TWSG1: variants seen among roughly 807,000 people sequenced by gnomAD.
TWSG1 encodes the protein twisted gastrulation protein homolog 1.
A neutral mutation model predicts 23.0 loss-of-function variants in TWSG1; 15 were observed. The ratio of observed to expected loss-of-function variants is 0.65; its 90% CI spans 0.44 to 1.00. The LOEUF (loss-of-function observed/expected upper bound fraction) is 1.00, where lower values mean the gene tolerates loss of function less well. TWSG1 is among the 50% of genes least tolerant of loss of function. The pLI, the probability that TWSG1 is intolerant of heterozygous loss-of-function variation, is 0.00. For missense variants in TWSG1, 242 were observed against 278.7 expected (o/e 0.87, Z 0.94); for synonymous variants, 86 against 92.8 (o/e 0.93, Z 0.42).
At chr18:9,349,158 G>C (rs576473184) in intron 2 of TWSG1, among the ~76,000 whole-genome samples, 9 of 152,132 alleles carry the variant, frequency 5.9e-5, no homozygotes, top group African/African-American at 2.2e-4. Context: ...AAAAAAATTT[G>C]GTAATATGGG....
Position 9,396,353 on chromosome 18 carries a change from G to T in TWSG1, c.297G>T (p.Pro99=). The change falls in exon 4 of 5, where the codon CCG becomes CCT. Residue 99 remains proline, a synonymous_variant. Coordinates refer to ENST00000262120, the MANE Select transcript of TWSG1 (RefSeq NM_020648.6). ...SKSTVEELHE[P]IPSLFRALTE... ...GCACAGTGGAGGAGCTGCATGAACC[G>T]ATCCCTTCTCTCTTCCGGGCACTCA... The T allele has an allele frequency of 2.5e-6, 4 of 1,614,058 alleles. No individual in the cohort carries two copies. Among genetic ancestry groups the T allele is most frequent in the Non-Finnish European group, 3.4e-6 (4 of 1,180,010 alleles).
intron 3 of TWSG1, among the ~76,000 whole-genome samples, chr18:9,391,971 G>C (rs892457296): frequency 2.6e-4 from 39 of 152,308 alleles, no homozygotes; most frequent in African/African-American, 8.9e-4. Flanking sequence ...AGTAAACCAT[G>C]CTATAAACAA....
At chr18:9,346,827 C>T (rs2040479409) in intron 2 of TWSG1, among the ~76,000 whole-genome samples, 1 of 152,172 alleles carries the variant, frequency 6.6e-6, no homozygotes, top group African/African-American at 2.4e-5. Flanking sequence ...TAAGTTTTCA[C>T]TTCATTTGGC....
In TWSG1 at chr18:9,360,046, T is replaced by G. The variant is rs772903690; in HGVS notation, c.198T>G (p.Leu66=). The G allele has an allele frequency of 6.8e-6, 11 of 1,613,274 alleles. No individual in the cohort carries two copies. The highest frequency in any genetic ancestry group is 1.3e-5 in the African/African-American group (1 of 74,910). The part of the protein sequence containing the change: ...CKECMLCLGA[L]WDECCDCVGM... ...AGTGCATGCTGTGTCTTGGGGCCCT[T>G]TGGGACGAGTGCTGTGACTGTGTTG... Residue 66 remains leucine (L), a synonymous_variant, in exon 3 of 5, where the codon CTT becomes CTG. Transcript: ENST00000262120.
intron 3 of TWSG1, among the ~76,000 whole-genome samples, chr18:9,374,411 A>G (rs1388236419): frequency 1.3e-5 from 2 of 152,232 alleles, no homozygotes; most frequent in Non-Finnish European, 2.9e-5. Flanking sequence ...CTCTTTGCCC[A>G]TGGATTTGAT....
chr18:9,360,197 ATACAGAACATT>A, intron 3 of TWSG1, 126 bp downstream of exon 3: 1 of 623,484 alleles, frequency 1.6e-6, no homozygotes, highest in Non-Finnish European at 2.8e-6. Flanking sequence ...TATAGTAAAC[ATACAGAACATT>A]GTATTTTTAC....
chr18:9,398,684 C>T (rs2040749148), intron 4 of TWSG1, among the ~76,000 whole-genome samples: 1 of 152,110 alleles, frequency 6.6e-6, no homozygotes, highest in South Asian at 2.1e-4. Context: ...GTTGCAAACT[C>T]CTGGCCTCAG....
intron 3 of TWSG1, among the ~76,000 whole-genome samples, chr18:9,372,636 AG>A (rs1330505371): frequency 6.6e-6 from 1 of 151,232 alleles, no homozygotes; most frequent in East Asian, 1.9e-4. Flanking sequence ...GGGAGGAATT[AG>A]GATTATTTTG....
chr18:9,363,929 T>C (rs1277372410), intron 3 of TWSG1, among the ~76,000 whole-genome samples: 2 of 152,088 alleles, frequency 1.3e-5, no homozygotes, highest in Non-Finnish European at 2.9e-5. Context: ...CACCCGGCCA[T>C]TTAACAGTAC....
intron 4 of TWSG1, among the ~76,000 whole-genome samples, chr18:9,398,931 C>T (rs2040750077): frequency 6.6e-6 from 1 of 151,692 alleles, no homozygotes; most frequent in African/African-American, 2.4e-5. Flanking sequence ...TCACTTGAAC[C>T]TGGGAGGCGG....
chr18:9,351,614 C>T (rs2040502177), intron 2 of TWSG1, among the ~76,000 whole-genome samples: 1 of 142,038 alleles, frequency 7.0e-6, no homozygotes, highest in East Asian at 2.1e-4. Context: ...CCCAGTGTAC[C>T]ATGCTGGGTT....
At chr18:9,356,301 A>G (rs2145604301) in intron 2 of TWSG1, among the ~76,000 whole-genome samples, 1 of 152,326 alleles carries the variant, frequency 6.6e-6, no homozygotes, top group East Asian at 1.9e-4. Flanking sequence ...CTTCAGAGCT[A>G]GATAACCTGG....
rs767488961 is a variant in TWSG1, at chr18:9,399,436, G to A, written c.581G>A (p.Arg194His). Residue 194 changes from arginine to histidine, a missense_variant, in exon 5 of 5, where the codon CGC (arginine) becomes CAC (histidine). By Grantham distance (29) the Arg-to-His change is conservative (BLOSUM62 0). Transcript: ENST00000262120. ...SCESMGASKY[R>H]WFHNACCECI... ...GAGTCCATGGGAGCATCCAAATATC[G>A]CTGGTTTCATAATGCCTGCTGCGAG... 4.3e-6 allele frequency: 7 copies of A among 1,613,880 alleles called. No homozygotes were observed. Among genetic ancestry groups the A allele is most frequent in the South Asian group, 2.2e-5 (2 of 91,066 alleles).
intron 3 of TWSG1, among the ~76,000 whole-genome samples, chr18:9,360,600 T>C (rs936363459): frequency 6.6e-6 from 1 of 152,184 alleles, no homozygotes; most frequent in Non-Finnish European, 1.5e-5. Flanking sequence ...ACCTTCCTTA[T>C]TTGACTGAGA....
intron 3 of TWSG1, among the ~76,000 whole-genome samples, chr18:9,392,924 C>T (rs2040719043): frequency 6.6e-6 from 1 of 152,166 alleles, no homozygotes; most frequent in African/African-American, 2.4e-5. Flanking sequence ...GTTGGTGGAG[C>T]AGTCAGAATA....
intron 3 of TWSG1, among the ~76,000 whole-genome samples, chr18:9,364,460 C>A (rs1315061356): frequency 6.6e-6 from 1 of 152,152 alleles, no homozygotes; most frequent in Non-Finnish European, 1.5e-5. Flanking sequence ...GATTTCACCC[C>A]TTCTTGATGA....
At chr18:9,364,340 A>T (rs1306995492) in intron 3 of TWSG1, among the ~76,000 whole-genome samples, 1 of 152,172 alleles carries the variant, frequency 6.6e-6, no homozygotes, top group Non-Finnish European at 1.5e-5. Context: ...ACAAAGGCAA[A>T]CAATATCCAG....
chr18:9,358,579 A>G (rs985166035), intron 2 of TWSG1, among the ~76,000 whole-genome samples: 3 of 152,190 alleles, frequency 2.0e-5, no homozygotes, highest in Admixed American at 2.0e-4. Flanking sequence ...TTGAAGAGAA[A>G]TTATATTTGG....
At chr18:9,383,718 A>G (rs1177816977) in intron 3 of TWSG1, among the ~76,000 whole-genome samples, 2 of 152,190 alleles carry the variant, frequency 1.3e-5, no homozygotes, top group African/African-American at 2.4e-5. Context: ...GATCTGAGAA[A>G]AGGGAGGAAT....
Sources: gnomAD v4.1 joint callset for allele counts (sites outside exome capture counted in the v4.1 genomes callset) on GRCh38, gnomAD v4.1.1 for gene constraint, MANE v1.5 for transcripts, NCBI Gene and HGNC (gene_info 2026-07-23, HGNC 2026-07-21) for gene names.